RAB40C: variants seen among roughly 807,000 people sequenced by gnomAD.
RAB40C encodes RAB40C, member RAS oncogene family, also known as ras-related protein Rab-40C.
RAB40C carries 8 observed loss-of-function variants against 28.1 expected under a neutral mutation model. The ratio of observed to expected loss-of-function variants is 0.28; its 90% confidence interval spans 0.17 to 0.51. The LOEUF (loss-of-function observed/expected upper bound fraction) is 0.51, where lower values mean the gene tolerates loss of function less well. Among genes scored for constraint, RAB40C ranks in the 20% least tolerant of loss-of-function variants. The pLI is 0.97. For synonymous variants in RAB40C, 201 were observed against 171.7 expected, an observed-to-expected ratio of 1.17 and a Z score of -1.34; for missense variants, 288 against 405.9, an observed-to-expected ratio of 0.71 and a Z score of 2.50.
intron 5 of RAB40C, among the ~76,000 whole-genome samples, 165 bp downstream of exon 5, chr16:626,286 A>G (rs1034009411): frequency 6.6e-6 from 1 of 152,190 alleles, no homozygotes; most frequent in African/African-American, 2.4e-5. Context: ...TGGTAAGAGC[A>G]GCCTCGGGGG....
At chr16:593,974 C>G (rs1208898297) in intron 1 of RAB40C, among the ~76,000 whole-genome samples, 1 of 152,184 alleles carries the variant, frequency 6.6e-6, no homozygotes, top group Non-Finnish European at 1.5e-5. Flanking sequence ...AGCTGCAGTT[C>G]AGGAGCGAAC....
intron 1 of RAB40C, among the ~76,000 whole-genome samples, chr16:611,296 C>T (rs1033039967): frequency 3.9e-5 from 6 of 152,198 alleles, no homozygotes; most frequent in African/African-American, 1.2e-4. Context: ...GGGGAGTCCC[C>T]GGGCCATCAG....
At chr16:625,108 A>T in intron 3 of RAB40C, 1 of 1,320,746 alleles carries the variant, frequency 7.6e-7, no homozygotes, top group Non-Finnish European at 9.9e-7. Flanking sequence ...CCACAGCTGC[A>T]CGTCCCCCGG....
At chr16:596,388 G>C in intron 1 of RAB40C, 1 of 455,188 alleles carries the variant, frequency 2.2e-6, no homozygotes, top group Non-Finnish European at 4.4e-6. Context: ...GAGCCCCTGC[G>C]AGCTGGCGTA....
At chr16:619,356 C>A (rs1017811752) in intron 3 of RAB40C, among the ~76,000 whole-genome samples, 1 of 151,938 alleles carries the variant, frequency 6.6e-6, no homozygotes, top group Admixed American at 6.6e-5. Flanking sequence ...GTGCACAGGT[C>A]TGGCGGGGGC....
intron 1 of RAB40C, among the ~76,000 whole-genome samples, chr16:605,927 C>T (rs183971627): frequency 9.8e-5 from 15 of 152,362 alleles, no homozygotes; most frequent in Admixed American, 9.8e-4. Context: ...GTCCTGCCTT[C>T]CTTTTAGCCA....
intron 2 of RAB40C, among the ~76,000 whole-genome samples, 155 bp downstream of exon 2, chr16:617,423 CCAA>C (rs2036610256): frequency 6.6e-6 from 1 of 152,190 alleles, no homozygotes; most frequent in African/African-American, 2.4e-5. Context: ...GGATTTTACT[CCAA>C]CAGGAAAAAG....
At chr16:622,010 G>A (rs1041234854) in intron 3 of RAB40C, among the ~76,000 whole-genome samples, 2 of 152,182 alleles carry the variant, frequency 1.3e-5, no homozygotes, top group African/African-American at 2.4e-5. Context: ...GGATGCAGGA[G>A]GAGGGCTTCA....
At chr16:624,601 C>T (rs72767889) in intron 3 of RAB40C, 171,129 of 985,340 alleles carry the variant, frequency 0.17, 15,897 homozygotes, top group South Asian at 0.25. Flanking sequence ...GTGCCCTCTT[C>T]TTTCAGCCTC....
At chr16:619,713 G>C (rs1417908922) in intron 3 of RAB40C, among the ~76,000 whole-genome samples, 4 of 152,360 alleles carry the variant, frequency 2.6e-5, no homozygotes, top group Admixed American at 2.6e-4. Flanking sequence ...CTTCTTGGGG[G>C]AAGGTTCAGG....
At chr16:596,019 C>G (rs1333387227) in intron 1 of RAB40C, among the ~76,000 whole-genome samples, 1 of 152,250 alleles carries the variant, frequency 6.6e-6, no homozygotes, top group African/African-American at 2.4e-5. Flanking sequence ...GATGCCAGAA[C>G]TTTTGGACAA....
chr16:614,514 ACTTT>A (rs1362346517), intron 1 of RAB40C, among the ~76,000 whole-genome samples: 29 of 135,426 alleles, frequency 2.1e-4, no homozygotes, highest in Non-Finnish European at 3.8e-4. Context: ...GAACTGCCAA[ACTTT>A]ACCTCGTCCC....
chr16:622,121 T>C (rs1014095416), intron 3 of RAB40C, among the ~76,000 whole-genome samples: 1 of 152,244 alleles, frequency 6.6e-6, no homozygotes, highest in Non-Finnish European at 1.5e-5. Context: ...CTTTGTATTT[T>C]GTGCTTTGTA....
chr16:605,057 C>CA (rs1276490790), intron 1 of RAB40C, among the ~76,000 whole-genome samples: 2 of 151,822 alleles, frequency 1.3e-5, no homozygotes, highest in African/African-American at 2.4e-5. Flanking sequence ...GACTTTGTCT[C>CA]AAAAAAATAA....
intron 1 of RAB40C, among the ~76,000 whole-genome samples, chr16:601,817 A>G (rs1596401913): frequency 1.1e-5 from 1 of 92,280 alleles, no homozygotes; most frequent in African/African-American, 5.0e-5. Context: ...AAAAAAAGTA[A>G]AAAAAAAAAA....
rs2151070795 is a variant in RAB40C at position 610,285 on chromosome 16, TG to T, written c.143-6919del. 6.6e-6 allele frequency among the ~76,000 whole-genome samples: 1 copy of T among 152,078 alleles called. No individual in the cohort carries two copies. The highest frequency in any genetic ancestry group is 2.0e-4 in the East Asian group (1 of 5,126). ...GACCAGGACAGTGCCGTGTGTCTCA[TG>T]GGGTTGTGTTCAGGTCGGCTGAGAG... On this transcript the variant is annotated intron_variant, in intron 1 of 5. Transcript: ENST00000248139. This position sits in a 1 kb window ranked among gnomAD's most constrained non-coding sequence, Gnocchi z 4.6.
At chr16:615,663 AG>A (rs2036570676) in intron 1 of RAB40C, among the ~76,000 whole-genome samples, 1 of 152,214 alleles carries the variant, frequency 6.6e-6, no homozygotes, top group African/African-American at 2.4e-5. Flanking sequence ...GGAAATAAAA[AG>A]TAATGATGTG....
chr16:594,713 C>T (rs1455514604), intron 1 of RAB40C, among the ~76,000 whole-genome samples: 3 of 152,032 alleles, frequency 2.0e-5, no homozygotes, highest in Admixed American at 6.6e-5. Flanking sequence ...ACTGGACAGC[C>T]GTGCGTGGCT....
chr16:596,366 T>G, intron 1 of RAB40C: 1 of 455,942 alleles, frequency 2.2e-6, no homozygotes, highest in Non-Finnish European at 4.4e-6. Context: ...AGCTGCCGCC[T>G]ACCCTGGTCT....
Sources: gnomAD v4.1 joint callset for allele counts (sites outside exome capture counted in the v4.1 genomes callset) on GRCh38, gnomAD v4.1.1 for gene constraint, Gnocchi (gnomAD v3.1) non-coding constraint, MANE v1.5 for transcripts, NCBI Gene and HGNC (gene_info 2026-07-23, HGNC 2026-07-21) for gene names.